TRAF3IP1: variants seen among roughly 807,000 people sequenced by gnomAD.
TRAF3IP1 encodes the protein intraflagellar transport 54, also known as TRAF3-interacting protein 1.
Under a neutral mutation model 89.9 loss-of-function variants are expected in TRAF3IP1, and 53 were observed. The ratio of observed to expected loss-of-function variants is 0.59; its 90% CI spans 0.47 to 0.74. The LOEUF (loss-of-function observed/expected upper bound fraction) is 0.74, where lower values mean the gene tolerates loss of function less well. TRAF3IP1 is among the 30% of genes least tolerant of loss of function. The probability of loss-of-function intolerance (pLI) is 0.00; values close to 1 mark genes in which losing one functional copy is unlikely to be tolerated. For missense variants in TRAF3IP1, 806 were observed against 866.1 expected (o/e 0.93, Z 0.87); for synonymous variants, 311 against 322.1 (o/e 0.97, Z 0.37).
intron 3 of TRAF3IP1, among the ~76,000 whole-genome samples, chr2:238,328,379 A>G (rs1053174310): frequency 2.6e-5 from 4 of 152,156 alleles, no homozygotes; most frequent in Admixed American, 2.0e-4. Context: ...GTAGAGTTGC[A>G]TGGGTCAGCT....
At chr2:238,331,490 A>G (rs183693167) in intron 5 of TRAF3IP1, among the ~76,000 whole-genome samples, 1 of 152,260 alleles carries the variant, frequency 6.6e-6, no homozygotes, top group African/African-American at 2.4e-5. Context: ...CAACAACAAC[A>G]ACAAAAAGAA....
intron 8 of TRAF3IP1, 54 bp downstream of exon 8, chr2:238,338,511 T>C (rs1698490004): frequency 1.0e-6 from 1 of 981,352 alleles, no homozygotes. Flanking sequence ...ATGTGAATGG[T>C]TATATCTCAA....
chr2:238,356,422 G>A (rs918916068), intron 15 of TRAF3IP1, among the ~76,000 whole-genome samples: 6 of 152,160 alleles, frequency 3.9e-5, no homozygotes, highest in Admixed American at 6.5e-5. Context: ...GCTTGAACCT[G>A]GGAGGTGGAG....
chr2:238,357,937 T>A (rs1182230892), intron 15 of TRAF3IP1, among the ~76,000 whole-genome samples: 1 of 152,198 alleles, frequency 6.6e-6, no homozygotes, highest in African/African-American at 2.4e-5. Context: ...AAGTGTCCTT[T>A]TTTGGTAAAC....
rs1437296224 is a variant in TRAF3IP1, at chr2:238,376,774, T to C, written c.1690-20685T>C. Among the ~76,000 whole-genome samples the C allele has an allele frequency of 2.0e-5, 3 of 152,264 alleles. No homozygotes were observed. In the East Asian group the frequency reaches 5.8e-4, roughly 29 times the overall value. On this transcript the variant is annotated intron_variant, in intron 15 of 16. Coordinates refer to ENST00000373327, the MANE Select transcript of TRAF3IP1 (RefSeq NM_015650.4). The stretch of plus-strand genomic sequence containing the variant: ...GGTAGATAGTAATGCTGTTGACTTA[T>C]AACCAGCTTCATTTAAAACTGTTTG...
chr2:238,332,637 C>T (rs559839843), intron 5 of TRAF3IP1, among the ~76,000 whole-genome samples, 187 bp from the exon 6 acceptor site: 32 of 152,160 alleles, frequency 2.1e-4, no homozygotes, highest in African/African-American at 6.7e-4. Flanking sequence ...GCCATTGGCT[C>T]GGAAGACTCT....
intron 15 of TRAF3IP1, among the ~76,000 whole-genome samples, chr2:238,384,531 CCTGG>C (rs1700682876): frequency 7.0e-6 from 1 of 143,726 alleles, no homozygotes; most frequent in Non-Finnish European, 1.5e-5. Flanking sequence ...TGCCACCCCG[CCTGG>C]CTAATTTTTT....
chr2:238,351,661 T>G lies in TRAF3IP1; in HGVS notation c.1452-1166T>G, dbSNP rs945023235. On this transcript the variant is annotated intron_variant, in intron 12 of 16. Transcript: ENST00000373327. The surrounding 1 kb of genome is among the most constrained non-coding windows in gnomAD (Gnocchi z 5.2). ...TCCTGGTACTGACAGAGCAGCGGGTTCGAAGTGAGGTTGGTCCTGGCGGAG... is the reference window on the plus strand; with the variant it reads ...TCCTGGTACTGACAGAGCAGCGGGTGCGAAGTGAGGTTGGTCCTGGCGGAG... Among the ~76,000 whole-genome samples, 3 of 152,020 alleles carry G rather than the reference T, an allele frequency of 2.0e-5. No individual in the cohort carries two copies. The highest frequency in any genetic ancestry group is 4.4e-5 in the Non-Finnish European group (3 of 67,980).
At chr2:238,387,204 T>G (rs1559394463) in intron 15 of TRAF3IP1, among the ~76,000 whole-genome samples, 1 of 152,222 alleles carries the variant, frequency 6.6e-6, no homozygotes, top group Non-Finnish European at 1.5e-5. Flanking sequence ...TCTGGGCAGT[T>G]AGCCCTCATC....
At position 238,331,705 on chromosome 2, in the gene TRAF3IP1, C is replaced by T. The variant is rs144390501; in HGVS notation, c.916-1119C>T. Among the ~76,000 whole-genome samples the T allele has an allele frequency of 2.5e-3, 377 of 152,250 alleles. 2 individuals are homozygous for T. The highest frequency in any genetic ancestry group is 8.3e-3 in the East Asian group (43 of 5,170). On this transcript the variant is annotated intron_variant, in intron 5 of 16. Coordinates refer to ENST00000373327, the MANE Select transcript of TRAF3IP1 (RefSeq NM_015650.4). ...CGATCTGGGGGCTTCTTCATTGAGC[C>T]GCGTAGGTCTGGGAGGCAGCTGCGT...
At chr2:238,396,289 A>G (rs1701212651) in intron 15 of TRAF3IP1, among the ~76,000 whole-genome samples, 1 of 150,560 alleles carries the variant, frequency 6.6e-6, no homozygotes, top group Admixed American at 6.7e-5. Flanking sequence ...ACAAAAAACC[A>G]AACACTGCAT....
chr2:238,367,163 CAAAAAAA>C (rs33964253), intron 15 of TRAF3IP1, among the ~76,000 whole-genome samples: 450 of 36,156 alleles, frequency 0.012, 10 homozygotes, highest in African/African-American at 0.057. Context: ...GACTCTGTCT[CAAAAAAA>C]AAAAAAAAAA....
rs576663961 is a variant in TRAF3IP1 at position 238,355,580 on chromosome 2, A to G, written c.1613-424A>G. Among the ~76,000 whole-genome samples the G allele has an allele frequency of 2.0e-5, 3 of 152,386 alleles. No homozygotes were observed. In the East Asian group the frequency reaches 5.8e-4, roughly 29 times the overall value. On this transcript the variant is annotated intron_variant, in intron 14 of 16. Coordinates refer to ENST00000373327, the MANE Select transcript of TRAF3IP1 (RefSeq NM_015650.4). ...GAAACACTATTCCAAAAAACTTCAC[A>G]TGATATTTATCCCATGAGTAAATTC...
At chr2:238,364,167 A>AT (rs1197421681) in intron 15 of TRAF3IP1, among the ~76,000 whole-genome samples, 1 of 151,264 alleles carries the variant, frequency 6.6e-6, no homozygotes, top group African/African-American at 2.4e-5. Flanking sequence ...TTTTTGGAGG[A>AT]TTTTTTCAAT....
rs774569036 is a variant in TRAF3IP1, at chr2:238,332,877, C to A, written c.969C>A (p.Asp323Glu). Residue 323 changes from aspartate to glutamate, a missense_variant, in exon 6 of 17, where the codon GAC (aspartate) becomes GAA (glutamate). By Grantham distance (45) the Asp-to-Glu change is conservative. Around this residue, in one of 3 missense-constraint regions of TRAF3IP1, gnomAD observed 732 missense variants for 780.5 expected, o/e 0.94. Transcript: ENST00000373327. Reference protein sequence around the residue: ...SKKLSDGTFKDSKAETETEIS... With the variant: ...SKKLSDGTFKESKAETETEIS... ...AGTTATCAGATGGAACTTTTAAAGA[C>A]TCCAAGGCTGAAACAGAGGTAAACT... 1.9e-5 allele frequency: 31 copies of A among 1,611,926 alleles called. No homozygotes were observed. The highest frequency in any genetic ancestry group is 2.5e-5 in the Non-Finnish European group (30 of 1,178,670).
intron 15 of TRAF3IP1, among the ~76,000 whole-genome samples, chr2:238,387,219 C>G (rs1193382477): frequency 1.3e-5 from 2 of 152,204 alleles, no homozygotes; most frequent in Non-Finnish European, 2.9e-5. Context: ...CTCATCCTGT[C>G]CAGCTTCTCA....
intron 8 of TRAF3IP1, among the ~76,000 whole-genome samples, chr2:238,342,180 G>T (rs1033415871): frequency 2.0e-5 from 3 of 151,996 alleles, no homozygotes; most frequent in African/African-American, 7.2e-5. Flanking sequence ...GTAGAGATGG[G>T]GTTTCACCAT....
chr2:238,362,022 C>T (rs1232137798), intron 15 of TRAF3IP1, among the ~76,000 whole-genome samples: 1 of 152,184 alleles, frequency 6.6e-6, no homozygotes, highest in Non-Finnish European at 1.5e-5. Context: ...GCAGGGTCAC[C>T]TGACCTCTCA....
chr2:238,340,508 C>T (rs751197014), intron 8 of TRAF3IP1, among the ~76,000 whole-genome samples: 5 of 152,136 alleles, frequency 3.3e-5, no homozygotes, highest in Non-Finnish European at 7.4e-5. Flanking sequence ...AAGAGTTCAA[C>T]AAGGAATTTA....
Sources: gnomAD v4.1 joint callset for allele counts (sites outside exome capture counted in the v4.1 genomes callset) on GRCh38, gnomAD v4.1.1 for gene constraint, gnomAD v4.1.1 regional missense constraint, Gnocchi (gnomAD v3.1) non-coding constraint, MANE v1.5 for transcripts, NCBI Gene and HGNC (gene_info 2026-07-23, HGNC 2026-07-21) for gene names.